DENND6A: variants seen among roughly 807,000 people sequenced by gnomAD.
DENND6A encodes the protein DENN domain containing 6A.
Under a neutral mutation model 95.5 loss-of-function variants are expected in DENND6A, and 43 were observed. The observed-to-expected ratio is 0.45, with a 90% CI of 0.35 to 0.58. The LOEUF (loss-of-function observed/expected upper bound fraction) is 0.58, where lower values mean the gene tolerates loss of function less well. Ranked by LOEUF, DENND6A falls within the 20% of genes least tolerant of loss-of-function variation. DENND6A has a pLI of 0.00. For synonymous variants in DENND6A, 257 were observed against 260.4 expected (o/e 0.99, Z 0.13); for missense variants, 574 against 736.0 (o/e 0.78, Z 2.55).
At chr3:57,628,731 T>C (rs2070589455) in intron 19 of DENND6A, 80 bp downstream of exon 19, 1 of 1,429,922 alleles carries the variant, frequency 7.0e-7, no homozygotes. Flanking sequence ...CTGCGAACTA[T>C]CATGGGTTGT....
At chr3:57,674,513 C>T (rs932059807) in intron 1 of DENND6A, among the ~76,000 whole-genome samples, 3 of 152,010 alleles carry the variant, frequency 2.0e-5, no homozygotes, top group African/African-American at 7.3e-5. Flanking sequence ...TGCCTGTAAT[C>T]CCAGCTACTC....
At chr3:57,663,743 G>T (rs1209949102) in intron 4 of DENND6A, 27 bp from the exon 5 acceptor site, 6 of 1,372,850 alleles carry the variant, frequency 4.4e-6, no homozygotes, top group Non-Finnish European at 6.1e-6. Context: ...AAGTAAGTGT[G>T]TGTGGGGGGG....
Position 57,663,735 on chromosome 3 carries a change from G to GT in DENND6A, c.433-20dup. ...GATCCTTCTAAGAAGAAAGTGACAA[G>GT]TAAGTGTGTGTGGGGGGGTACATAT... is the stretch of plus-strand genomic sequence containing the variant. On this transcript the variant is annotated intron_variant, in intron 4 of 19. Transcript: ENST00000311128. 1.4e-6 allele frequency: 2 copies of GT among 1,478,782 alleles called. No individual in the cohort carries two copies. The highest frequency in any genetic ancestry group is 1.9e-6 in the Non-Finnish European group (2 of 1,079,536). The allele number at this position is 1,478,782 out of a possible 1,614,324, so 91.6% of individuals were successfully genotyped here.
chr3:57,661,330 T>C, intron 6 of DENND6A, 116 bp downstream of exon 6: 1 of 785,178 alleles, frequency 1.3e-6, no homozygotes, highest in Non-Finnish European at 1.9e-6. Flanking sequence ...TCCTATCATA[T>C]ATTCCTTAAG....
chr3:57,670,179 T>C (rs2071593395), intron 3 of DENND6A, among the ~76,000 whole-genome samples: 1 of 152,186 alleles, frequency 6.6e-6, no homozygotes, highest in African/African-American at 2.4e-5. Flanking sequence ...CCTTGATGTA[T>C]GCATGCGGGG....
rs557354436 is a variant in DENND6A, at chr3:57,675,410, T to C, written c.238-2972A>G. Among the ~76,000 whole-genome samples, 8 of 152,298 alleles carry C rather than the reference T, an allele frequency of 5.3e-5. No homozygotes were observed. In the East Asian group the frequency reaches 1.5e-3, roughly 29 times the overall value. On this transcript the variant is annotated intron_variant, in intron 1 of 19. Coordinates refer to ENST00000311128, the MANE Select transcript of DENND6A (RefSeq NM_152678.3). ...GGCGTCTACTTCAGTAAATAATATT[T>C]TTCAACTGACTCCAACAAGTAATAC... is the stretch of plus-strand genomic sequence containing the variant.
intron 18 of DENND6A, 145 bp from the exon 19 acceptor site, chr3:57,629,030 G>T: frequency 1.8e-6 from 1 of 564,510 alleles, no homozygotes; most frequent in Non-Finnish European, 3.0e-6. Flanking sequence ...TATAGTGCAA[G>T]AATAATTCTC....
At chr3:57,665,039 A>C (rs929237647) in intron 4 of DENND6A, among the ~76,000 whole-genome samples, 4 of 152,190 alleles carry the variant, frequency 2.6e-5, no homozygotes, top group African/African-American at 4.8e-5. Flanking sequence ...GTAAAAACAC[A>C]AAAGACAGAA....
chr3:57,655,598 T>C (rs753096190), intron 9 of DENND6A, among the ~76,000 whole-genome samples: 3 of 152,202 alleles, frequency 2.0e-5, no homozygotes, highest in Non-Finnish European at 4.4e-5. Flanking sequence ...AATCAAAATT[T>C]AGTTGCATGC....
At chr3:57,678,748 T>C (rs1334857193) in intron 1 of DENND6A, among the ~76,000 whole-genome samples, 2 of 152,132 alleles carry the variant, frequency 1.3e-5, no homozygotes, top group Admixed American at 6.5e-5. Flanking sequence ...AGGAACAAAA[T>C]TGGTAAGCAA....
intron 7 of DENND6A, 113 bp downstream of exon 7, chr3:57,660,647 G>A: frequency 3.5e-6 from 3 of 856,548 alleles, no homozygotes; most frequent in Non-Finnish European, 5.0e-6. Context: ...AGTTGAGGCT[G>A]CAGTGAGCTG....
At chr3:57,630,345 A>C in intron 18 of DENND6A, 76 bp downstream of exon 18, 1 of 1,317,700 alleles carries the variant, frequency 7.6e-7, no homozygotes, top group Non-Finnish European at 1.0e-6. Flanking sequence ...TAAAGGGTAC[A>C]ATCTTCAACT....
chr3:57,641,875 T>A, intron 11 of DENND6A, 128 bp from the exon 12 acceptor site: 1 of 645,238 alleles, frequency 1.5e-6, no homozygotes, highest in Non-Finnish European at 2.5e-6. Context: ...TTCAACACAT[T>A]ACATATCAAC....
intron 9 of DENND6A, among the ~76,000 whole-genome samples, chr3:57,647,870 C>T (rs1417011004): frequency 2.0e-5 from 3 of 150,966 alleles, no homozygotes; most frequent in Non-Finnish European, 2.9e-5. Flanking sequence ...GGTGGGGGGT[C>T]AATCCAACAA....
intron 9 of DENND6A, among the ~76,000 whole-genome samples, chr3:57,650,451 T>TAC (rs201602545): frequency 4.2e-5 from 6 of 142,592 alleles, no homozygotes; most frequent in East Asian, 2.3e-4. Flanking sequence ...CACACATACA[T>TAC]ACACACACAC....
rs1457063634 is a variant in DENND6A, at chr3:57,627,939, C to G, written c.*275G>C. 1.1e-5 allele frequency: 3 copies of G among 277,590 alleles called. No individual in the cohort carries two copies. The highest frequency in any genetic ancestry group is 2.2e-5 in the African/African-American group (1 of 46,050). 17.2% of individuals were successfully genotyped at this position (277,590 alleles called of 1,614,324 possible). A position where few individuals can be genotyped will look rare whatever the true frequency, so the allele number is the denominator to read the frequency against. On this transcript the variant is annotated 3_prime_UTR_variant, in exon 20 of 20. Coordinates refer to ENST00000311128, the MANE Select transcript of DENND6A (RefSeq NM_152678.3). ...TGAAATCACTAATACTGATGGCCCA[C>G]AAGTCTCTCATAAGAGCACTTTAGA... is the stretch of plus-strand genomic sequence containing the variant.
intron 9 of DENND6A, among the ~76,000 whole-genome samples, chr3:57,652,683 C>T (rs1293872150): frequency 1.3e-5 from 2 of 152,022 alleles, no homozygotes; most frequent in African/African-American, 4.8e-5. Flanking sequence ...TGGAGGATAC[C>T]ACATTAATCA....
chr3:57,682,927 C>G (rs557623602), intron 1 of DENND6A, among the ~76,000 whole-genome samples: 2 of 152,326 alleles, frequency 1.3e-5, no homozygotes, highest in East Asian at 3.9e-4. Flanking sequence ...ATCCACCCAC[C>G]TCAGCCTCCC....
chr3:57,631,485 C>T lies in DENND6A; in HGVS notation c.1354-507G>A, dbSNP rs947010292. 2.0e-5 allele frequency among the ~76,000 whole-genome samples: 3 copies of T among 152,042 alleles called. No individual in the cohort carries two copies. The South Asian group carries it at 6.2e-4, about 32-fold the overall frequency. ...CTGGGATTACAGGCGTGAACTACCG[C>T]GCCCAACAACGCGGTCCATTTTTTA... On this transcript the variant is annotated intron_variant, in intron 15 of 19. Transcript: ENST00000311128.
Sources: gnomAD v4.1 joint callset for allele counts (sites outside exome capture counted in the v4.1 genomes callset) on GRCh38, gnomAD v4.1.1 for gene constraint, MANE v1.5 for transcripts, NCBI Gene and HGNC (gene_info 2026-07-23, HGNC 2026-07-21) for gene names.